The following CYP4V2 variants were observed in gnomAD, a reference collection of about 807,000 sequenced individuals.
CYP4V2 encodes cytochrome P450 family 4 subfamily V member 2.
Under a neutral mutation model 60.8 loss-of-function variants are expected in CYP4V2, and 55 were observed. That is an observed-to-expected ratio of 0.90 (90% CI 0.73 to 1.13). The LOEUF is 1.13. Ranked by LOEUF, CYP4V2 falls within the 50% of genes most tolerant of loss-of-function variation. The pLI is 0.00. For synonymous variants in CYP4V2, 239 were observed against 236.8 expected (o/e 1.01, Z -0.08); for missense variants, 675 against 662.9 (o/e 1.02, Z -0.20).
intron 3 of CYP4V2, 88 bp from the exon 4 acceptor site, chr4:186,196,852 T>G: frequency 7.2e-7 from 1 of 1,380,998 alleles, no homozygotes; most frequent in South Asian, 1.3e-5. Context: ...TTGCTATATT[T>G]ATGCTTTAAT....
At chr4:186,196,574 A>T (rs2126584394) in intron 3 of CYP4V2, 2 of 305,888 alleles carry the variant, frequency 6.5e-6, no homozygotes, top group South Asian at 7.3e-5. Flanking sequence ...AGGTAGAACC[A>T]TGGAGTGTGA....
chr4:186,209,740 C>T (rs7665623), intron 10 of CYP4V2, among the ~76,000 whole-genome samples: 10,712 of 152,144 alleles, frequency 0.07, 1,271 homozygotes, highest in African/African-American at 0.25. Flanking sequence ...TGACCTCTTT[C>T]GATTACCTGT....
chr4:186,198,627 G>A (rs562293886), intron 5 of CYP4V2, among the ~76,000 whole-genome samples: 125 of 152,260 alleles, frequency 8.2e-4, no homozygotes, highest in African/African-American at 2.6e-3. Flanking sequence ...AAAAGAGGCC[G>A]ATTTCATCTC....
intron 1 of CYP4V2, among the ~76,000 whole-genome samples, chr4:186,193,207 TTAAAAAA>T (rs1202715058): frequency 6.6e-6 from 1 of 152,150 alleles, no homozygotes; most frequent in Non-Finnish European, 1.5e-5. Context: ...CTTTATGGTA[TTAAAAAA>T]TAAACTGTAC....
chr4:186,211,366 C>T lies in CYP4V2; in HGVS notation c.*725C>T, dbSNP rs10033577. 0.89 allele frequency: 135,304 copies of T among 151,890 alleles called. 60,308 individuals carry two copies. Among genetic ancestry groups the T allele is most frequent in the East Asian group, 0.93 (4,774 of 5,134 alleles). 9.4% of individuals were successfully genotyped at this position (151,890 alleles called of 1,614,324 possible). On this transcript the variant is annotated 3_prime_UTR_variant, in exon 11 of 11. Coordinates refer to ENST00000378802, the MANE Select transcript of CYP4V2 (RefSeq NM_207352.4). ...TCTTGCTCTGTCGCCCAGGCTGGAA[C>T]GCAGTGGTGACATCTCGGCTCACTG...
rs2126587346 is a variant in CYP4V2 at position 186,199,088 on chromosome 4, G to A, written c.801+5G>A. The A allele has an allele frequency of 6.2e-7, 1 of 1,612,868 alleles. No homozygotes were observed. The highest frequency in any genetic ancestry group is 8.5e-7 in the Non-Finnish European group (1 of 1,178,914). On this transcript the variant is annotated splice_donor_5th_base_variant and intron_variant, in intron 6 of 10. Transcript: ENST00000378802. ...CTACATACTTTTACCAACAGTGTAA[G>A]TCCCTGACTTTTACAATTGTGGTAA...
In CYP4V2 at chr4:186,207,554, T is replaced by A. The variant is rs577996843; in HGVS notation, c.1091-1311T>A. Among the ~76,000 whole-genome samples, 329 of 144,408 alleles carry A rather than the reference T, an allele frequency of 2.3e-3. 2 individuals are homozygous for A. Among genetic ancestry groups the A allele is most frequent in the African/African-American group, 7.8e-3 (313 of 40,150 alleles). 94.7% of individuals were successfully genotyped at this position (144,408 alleles called of 152,430 possible). ...AAAATTATATAATATATAAAATATA[T>A]TAAAATATATAAAAATATTAAATAA... On this transcript the variant is annotated intron_variant, in intron 8 of 10. Transcript: ENST00000378802.
Position 186,211,893 on chromosome 4 carries a change from C to T in CYP4V2, c.*1252C>T, listed in dbSNP as rs1736735208. 6.6e-6 allele frequency: 1 copy of T among 152,058 alleles called. No homozygotes were observed. Among genetic ancestry groups the T allele is most frequent in the African/African-American group, 2.4e-5 (1 of 41,404 alleles). 9.4% of individuals were successfully genotyped at this position (152,058 alleles called of 1,614,324 possible). Reference sequence around the variant, plus strand: ...TTTCTTTTGATCGTGCACTTATAGTCTTCATTTAATTCCTCATAGAATCCC... The same window carrying T: ...TTTCTTTTGATCGTGCACTTATAGTTTTCATTTAATTCCTCATAGAATCCC... On this transcript the variant is annotated 3_prime_UTR_variant, in exon 11 of 11. Coordinates refer to ENST00000378802, the MANE Select transcript of CYP4V2 (RefSeq NM_207352.4).
rs1735984227 is a variant in CYP4V2 at position 186,191,706 on chromosome 4, G to C, written c.-118G>C. 2.0e-6 allele frequency: 2 copies of C among 999,454 alleles called. No individual in the cohort carries two copies. Among genetic ancestry groups the C allele is most frequent in the Admixed American group, 4.4e-5 (1 of 22,620 alleles). 61.9% of individuals were successfully genotyped at this position (999,454 alleles called of 1,614,324 possible). Reference sequence around the variant, plus strand: ...TCCGGGGACCGGGCGACCCCGCAGCGGGGAGCGCGCCAGGTCCGCGCGGGG... The same window carrying C: ...TCCGGGGACCGGGCGACCCCGCAGCCGGGAGCGCGCCAGGTCCGCGCGGGG... On this transcript the variant is annotated 5_prime_UTR_variant, in exon 1 of 11. Transcript: ENST00000378802.
chr4:186,204,243 G>A (rs538913599), intron 7 of CYP4V2: 14 of 164,804 alleles, frequency 8.5e-5, no homozygotes, highest in African/African-American at 3.2e-4. Context: ...CGTAAGAGGT[G>A]GCGGTGGAGA....
intron 7 of CYP4V2, chr4:186,202,922 A>G (rs745704070): frequency 2.6e-5 from 4 of 152,098 alleles, no homozygotes; most frequent in Non-Finnish European, 5.9e-5. Context: ...ACCCACATGC[A>G]CACATGCATG....
Position 186,192,709 on chromosome 4 carries a change from TAGAA to T in CYP4V2, c.214+675_214+678del, listed in dbSNP as rs1436690908. 8.5e-5 allele frequency among the ~76,000 whole-genome samples: 13 copies of T among 152,314 alleles called. 2 individuals are homozygous for T. The highest frequency in any genetic ancestry group is 3.1e-4 in the African/African-American group (13 of 41,570). On this transcript the variant is annotated intron_variant, in intron 1 of 10. Transcript: ENST00000378802. Reference sequence around the variant, plus strand: ...TTGATGGAAAAAAATCACGTTAAGTTAGAAAGCTCTCAAAAGTACCTGGTATTTA... The same window carrying T: ...TTGATGGAAAAAAATCACGTTAAGTTAGCTCTCAAAAGTACCTGGTATTTA...
Position 186,201,325 on chromosome 4 carries a change from G to T in CYP4V2, c.970G>T (p.Asp324Tyr). ...LSHEDIREEV[D>Y]TFMFEGHDTT... Reference sequence around the variant, plus strand: ...TCATGAAGATATTCGAGAAGAAGTTGACACCTTCATGTTTGAGGTATTGTA... The same window carrying T: ...TCATGAAGATATTCGAGAAGAAGTTTACACCTTCATGTTTGAGGTATTGTA... Residue 324 changes from aspartate (D) to tyrosine (Y), a missense_variant, in exon 7 of 11, where the codon GAC (aspartate) becomes TAC (tyrosine). Physicochemically the swap from Asp to Tyr is radical, Grantham distance 160. Coordinates refer to ENST00000378802, the MANE Select transcript of CYP4V2 (RefSeq NM_207352.4). The T allele has an allele frequency of 6.2e-7, 1 of 1,614,080 alleles. No homozygotes were observed. Among genetic ancestry groups the T allele is most frequent in the South Asian group, 1.1e-5 (1 of 91,066 alleles).
chr4:186,210,856 C>T lies in CYP4V2; in HGVS notation c.*215C>T. 3.8e-6 allele frequency: 2 copies of T among 530,264 alleles called. No homozygotes were observed. Among genetic ancestry groups the T allele is most frequent in the South Asian group, 2.1e-5 (1 of 47,252 alleles). The allele number at this position is 530,264 out of a possible 1,614,324, so 32.8% of individuals were successfully genotyped here. A position where few individuals can be genotyped will look rare whatever the true frequency, so the allele number is the denominator to read the frequency against. ...TTTTCTTTATTTTTTTTTTTTGAAA[C>T]CGTGTCTCACTCTGTCGCCCAGGCT... On this transcript the variant is annotated 3_prime_UTR_variant, in exon 11 of 11. Transcript: ENST00000378802.
chr4:186,196,838 T>C (rs1736161553), intron 3 of CYP4V2, 102 bp from the exon 4 acceptor site: 2 of 1,224,874 alleles, frequency 1.6e-6, no homozygotes, highest in Non-Finnish European at 2.3e-6. Flanking sequence ...AGAATTTTGT[T>C]GACTTGCTAT....
intron 1 of CYP4V2, among the ~76,000 whole-genome samples, chr4:186,193,839 G>A (rs1736064052): frequency 6.6e-6 from 1 of 152,232 alleles, no homozygotes; most frequent in Admixed American, 6.5e-5. Flanking sequence ...GCTGGCCTCA[G>A]CCATTTCACC....
At chr4:186,194,266 C>G (rs574059996) in intron 1 of CYP4V2, among the ~76,000 whole-genome samples, 2 of 152,288 alleles carry the variant, frequency 1.3e-5, no homozygotes, top group East Asian at 3.9e-4. Context: ...TAATAGCTAA[C>G]ATGCATTATG....
At chr4:186,197,381 G>T in intron 4 of CYP4V2, 152 bp from the exon 5 acceptor site, 1 of 910,326 alleles carries the variant, frequency 1.1e-6, no homozygotes, top group Non-Finnish European at 1.8e-6. Context: ...GAAGTGGACC[G>T]TACAAGAGAA....
chr4:186,210,332 G>C, intron 10 of CYP4V2, 137 bp from the exon 11 acceptor site: 1 of 1,018,684 alleles, frequency 9.8e-7, no homozygotes, highest in Non-Finnish European at 1.5e-6. Context: ...TCTTTAACAG[G>C]TGTTCCAAGC....
Sources: allele counts gnomAD v4.1 joint callset (sites outside exome capture counted in the v4.1 genomes callset), GRCh38; gene constraint gnomAD v4.1.1; transcripts MANE v1.5; gene names NCBI Gene and HGNC (gene_info 2026-07-23, HGNC 2026-07-21).